Variants in RANBP9 observed in about 807,000 individuals in gnomAD.
RANBP9 encodes ran-binding protein 9.
RANBP9 carries 15 observed loss-of-function variants against 84.3 expected under a neutral mutation model. The observed-to-expected ratio is 0.18, with a 90% CI of 0.12 to 0.27. The LOEUF (loss-of-function observed/expected upper bound fraction) is 0.27. Ranked by LOEUF, RANBP9 falls within the 10% of genes least tolerant of loss-of-function variation. The pLI is 1.00. For synonymous variants in RANBP9, 392 were observed against 349.6 expected, an observed-to-expected ratio of 1.12 and a Z score of -1.35; for missense variants, 809 against 912.8, an observed-to-expected ratio of 0.89 and a Z score of 1.46.
chr6:13,652,776 C>A lies in RANBP9; in HGVS notation c.905-95G>T. 6.5e-6 allele frequency: 7 copies of A among 1,077,610 alleles called. No individual in the cohort carries two copies. The South Asian group carries it at 1.1e-4, about 17-fold the overall frequency. 66.8% of individuals were successfully genotyped at this position (1,077,610 alleles called of 1,614,324 possible). A position where few individuals can be genotyped will look rare whatever the true frequency, so the allele number is the denominator to read the frequency against. ...CTAACTAAAAGGAGGAAACAAATGG[C>A]AAAAGAAAAAAACATTAAAGCCTAA... is the stretch of plus-strand genomic sequence containing the variant. On this transcript the variant is annotated intron_variant, in intron 4 of 13. Coordinates refer to ENST00000011619, the MANE Select transcript of RANBP9 (RefSeq NM_005493.3).
chr6:13,660,377 T>C (rs1765512652), intron 2 of RANBP9, among the ~76,000 whole-genome samples: 1 of 151,934 alleles, frequency 6.6e-6, no homozygotes, highest in South Asian at 2.1e-4. Flanking sequence ...TGTGCGGTGG[T>C]GCACACCTGT....
intron 13 of RANBP9, among the ~76,000 whole-genome samples, chr6:13,623,627 C>T (rs538538424): frequency 1.3e-5 from 2 of 152,080 alleles, no homozygotes; most frequent in East Asian, 3.9e-4. Context: ...TTATTTTGGC[C>T]AAAGGAAGCA....
chr6:13,687,089 T>C (rs539860424), intron 2 of RANBP9, among the ~76,000 whole-genome samples: 1 of 152,280 alleles, frequency 6.6e-6, no homozygotes, highest in African/African-American at 2.4e-5. Context: ...CTTCTATATG[T>C]CCTTTAAATA....
At chr6:13,657,501 A>C (rs1050562506) in intron 3 of RANBP9, among the ~76,000 whole-genome samples, 1 of 152,226 alleles carries the variant, frequency 6.6e-6, no homozygotes, top group Non-Finnish European at 1.5e-5. Flanking sequence ...AACAAATATT[A>C]AACAGAGAGA....
At chr6:13,623,676 T>A (rs1449284362) in intron 13 of RANBP9, among the ~76,000 whole-genome samples, 2 of 152,148 alleles carry the variant, frequency 1.3e-5, no homozygotes, top group Admixed American at 6.6e-5. Context: ...ATGTATGAAA[T>A]TTTCATAACA....
intron 7 of RANBP9, 76 bp downstream of exon 7, chr6:13,642,403 C>T: frequency 1.3e-6 from 1 of 790,688 alleles, no homozygotes; most frequent in Non-Finnish European, 1.8e-6. Flanking sequence ...ATTAAAAAAA[C>T]AAAATTTCTA....
chr6:13,657,316 G>C (rs1391877715), intron 3 of RANBP9, 40 bp from the exon 4 acceptor site: 20 of 1,551,930 alleles, frequency 1.3e-5, no homozygotes, highest in Non-Finnish European at 1.7e-5. Context: ...TGAAAAGTAA[G>C]GTTCCTCTGT....
chr6:13,635,054 G>A (rs548068242), intron 10 of RANBP9, among the ~76,000 whole-genome samples: 20 of 152,110 alleles, frequency 1.3e-4, no homozygotes, highest in Admixed American at 6.6e-5. Flanking sequence ...TTTTTAAATA[G>A]CATTCTGGCA....
intron 3 of RANBP9, 134 bp from the exon 4 acceptor site, chr6:13,657,410 C>A: frequency 1.6e-6 from 1 of 614,260 alleles, no homozygotes; most frequent in Non-Finnish European, 2.5e-6. Flanking sequence ...CATTTAAATT[C>A]TCAACAATTA....
At chr6:13,686,718 T>G (rs1766199823) in intron 2 of RANBP9, among the ~76,000 whole-genome samples, 2 of 152,198 alleles carry the variant, frequency 1.3e-5, no homozygotes, top group Admixed American at 6.5e-5. Flanking sequence ...ATTATCAAAT[T>G]GGCAGTGTAT....
rs1338719640 is a variant in RANBP9, at chr6:13,652,680, A to G, written c.906T>C (p.Gly302=). The G allele has an allele frequency of 2.5e-6, 4 of 1,596,660 alleles. No homozygotes were observed. The highest frequency in any genetic ancestry group is 1.4e-5 in the African/African-American group (1 of 74,018). ...TTACCGGTAGGTCAGTGAAAGCAAT[A>G]CCTAAAAAGAAAAAAAAAAGTGGCA... ...CFYTKNGHSL[G]IAFTDLPPNL... Residue 302 remains glycine (G), a splice_region_variant and synonymous_variant, in exon 5 of 14, where the codon GGT becomes GGC. Transcript: ENST00000011619.
chr6:13,677,770 T>C (rs1481370114), intron 2 of RANBP9, among the ~76,000 whole-genome samples: 12 of 152,194 alleles, frequency 7.9e-5, no homozygotes, highest in Non-Finnish European at 1.8e-4. Context: ...AAGTGATATA[T>C]ACCAACTGGT....
intron 10 of RANBP9, among the ~76,000 whole-genome samples, chr6:13,637,296 T>C (rs920748527): frequency 2.6e-5 from 4 of 152,194 alleles, no homozygotes; most frequent in Admixed American, 1.3e-4. Context: ...CCATCTGCTA[T>C]ATGCAAGCTA....
intron 12 of RANBP9, among the ~76,000 whole-genome samples, chr6:13,627,970 A>C (rs912873909): frequency 1.3e-5 from 2 of 152,194 alleles, no homozygotes; most frequent in Non-Finnish European, 2.9e-5. Context: ...CCTGGAACTT[A>C]AAGGAAAAAA....
At chr6:13,655,711 G>GT (rs932722994) in intron 4 of RANBP9, among the ~76,000 whole-genome samples, 1 of 152,080 alleles carries the variant, frequency 6.6e-6, no homozygotes, top group Non-Finnish European at 1.5e-5. Context: ...AGAGATTGTG[G>GT]TTTTTTCAAA....
At chr6:13,684,564 G>T (rs1004494801) in intron 2 of RANBP9, among the ~76,000 whole-genome samples, 3 of 152,158 alleles carry the variant, frequency 2.0e-5, no homozygotes, top group Non-Finnish European at 4.4e-5. Context: ...GTAAAAAATT[G>T]TAAGTATGTA....
intron 1 of RANBP9, among the ~76,000 whole-genome samples, chr6:13,705,875 A>AAAAAAAAAAAAAAAAAAAAAG (rs1554107633): frequency 2.0e-5 from 3 of 150,074 alleles, no homozygotes; most frequent in African/African-American, 7.5e-5. Flanking sequence ...TCTCAAAAAA[A>AAAAAAAAAAAAAAAAAAAAAG]AAAAAAAAAA....
chr6:13,645,848 A>C (rs1160582889), intron 5 of RANBP9, among the ~76,000 whole-genome samples: 1 of 152,238 alleles, frequency 6.6e-6, no homozygotes, highest in Non-Finnish European at 1.5e-5. Context: ...GAATATGTTA[A>C]ATAGATTTCA....
chr6:13,670,803 A>G (rs1202428808), intron 2 of RANBP9, among the ~76,000 whole-genome samples: 2 of 143,676 alleles, frequency 1.4e-5, no homozygotes, highest in African/African-American at 2.7e-5. Context: ...CCATCTTAGA[A>G]AAAAAAAAAA....
Sources: allele counts gnomAD v4.1 joint callset (sites outside exome capture counted in the v4.1 genomes callset), GRCh38; gene constraint gnomAD v4.1.1; transcripts MANE v1.5; gene names NCBI Gene and HGNC (gene_info 2026-07-23, HGNC 2026-07-21).